The following AGBL1 variants were observed in gnomAD, a reference collection of about 807,000 sequenced individuals.
AGBL1 encodes the protein AGBL carboxypeptidase 1.
Under a neutral mutation model 118.9 loss-of-function variants are expected in AGBL1, and 130 were observed. That is an observed-to-expected ratio of 1.09 (90% CI 0.95 to 1.26). The LOEUF (loss-of-function observed/expected upper bound fraction) is 1.26. Ranked by LOEUF, AGBL1 falls within the 50% of genes most tolerant of loss-of-function variation. The pLI is 0.00. For synonymous variants in AGBL1, 555 were observed against 478.9 expected (o/e 1.16, Z -2.08); for missense variants, 1,584 against 1,298.1 (o/e 1.22, Z -3.38).
chr15:86,582,575 G>A (rs1026070558), intron 21 of AGBL1, among the ~76,000 whole-genome samples: 13 of 151,894 alleles, frequency 8.6e-5, no homozygotes, highest in Non-Finnish European at 1.3e-4. Context: ...TGTTTATTGA[G>A]GCACTATTCA....
intron 18 of AGBL1, among the ~76,000 whole-genome samples, chr15:86,460,319 A>C (rs961543647): frequency 1.7e-4 from 5 of 29,254 alleles, no homozygotes; most frequent in African/African-American, 2.9e-4. Context: ...CTATCTCTAC[A>C]AAAAAAAAAA....
chr15:86,655,277 T>C (rs2085444413), intron 21 of AGBL1, among the ~76,000 whole-genome samples: 1 of 152,196 alleles, frequency 6.6e-6, no homozygotes, highest in Non-Finnish European at 1.5e-5. Flanking sequence ...TGCCTTCCCA[T>C]TGTTCCCCAA....
At chr15:86,443,253 T>C (rs2082085448) in intron 18 of AGBL1, among the ~76,000 whole-genome samples, 1 of 152,224 alleles carries the variant, frequency 6.6e-6, no homozygotes. Flanking sequence ...GCTCTTAGTT[T>C]CCCTGTGTGA....
intron 1 of AGBL1, chr15:86,138,403 T>C (rs956194132): frequency 6.6e-6 from 1 of 152,284 alleles, no homozygotes; most frequent in African/African-American, 2.4e-5. Context: ...TCCAGGATTC[T>C]CTCTACTTCT....
At chr15:86,510,340 A>T (rs2083039051) in intron 18 of AGBL1, among the ~76,000 whole-genome samples, 1 of 92,808 alleles carries the variant, frequency 1.1e-5, no homozygotes, top group South Asian at 4.2e-4. Flanking sequence ...TCATCAGGGG[A>T]ATTCCTTCAT....
At chr15:86,112,877 T>C (rs1897483690) in intron 1 of AGBL1, among the ~76,000 whole-genome samples, 2 of 152,248 alleles carry the variant, frequency 1.3e-5, no homozygotes, top group South Asian at 4.1e-4. Context: ...GCCTATTAGC[T>C]ATTTGAATTT....
At chr15:86,490,697 C>A (rs1007504956) in intron 18 of AGBL1, among the ~76,000 whole-genome samples, 3 of 152,048 alleles carry the variant, frequency 2.0e-5, no homozygotes, top group Non-Finnish European at 4.4e-5. Flanking sequence ...AAACCGAATG[C>A]AAACTGGTTA....
At chr15:86,249,275 C>A (rs2078769986) in intron 7 of AGBL1, among the ~76,000 whole-genome samples, 1 of 152,142 alleles carries the variant, frequency 6.6e-6, no homozygotes, top group Non-Finnish European at 1.5e-5. Flanking sequence ...AGCCTTCTTG[C>A]TCTTCTCTGG....
At chr15:86,553,469 G>A (rs1463253384) in intron 20 of AGBL1, among the ~76,000 whole-genome samples, 1 of 152,180 alleles carries the variant, frequency 6.6e-6, no homozygotes, top group African/African-American at 2.4e-5. Context: ...TGGATTTTCA[G>A]GAGTTTCATA....
At chr15:86,696,382 CTGATA>C (rs2086260147) in intron 22 of AGBL1, among the ~76,000 whole-genome samples, 2 of 151,956 alleles carry the variant, frequency 1.3e-5, no homozygotes, top group South Asian at 4.1e-4. Flanking sequence ...TTTGTTTCAT[CTGATA>C]TAAGAATAGC....
chr15:86,882,120 C>A (rs563658766), intron 22 of AGBL1, among the ~76,000 whole-genome samples: 1 of 152,140 alleles, frequency 6.6e-6, no homozygotes, highest in South Asian at 2.1e-4. Context: ...TGCAAAAATT[C>A]GCGGTCTAAC....
At chr15:86,903,333 C>A (rs1033077108) in intron 22 of AGBL1, among the ~76,000 whole-genome samples, 2 of 151,972 alleles carry the variant, frequency 1.3e-5, no homozygotes, top group South Asian at 4.1e-4. Flanking sequence ...GATTTCTCAA[C>A]TCTCCAGTTT....
chr15:86,391,231 A>C (rs2081279422), intron 17 of AGBL1, among the ~76,000 whole-genome samples: 1 of 152,184 alleles, frequency 6.6e-6, no homozygotes, highest in Non-Finnish European at 1.5e-5. Flanking sequence ...TCACAATAAA[A>C]CTAATAAAAA....
intron 22 of AGBL1, among the ~76,000 whole-genome samples, chr15:86,722,896 TG>T (rs2086750603): frequency 6.6e-6 from 1 of 152,028 alleles, no homozygotes. Flanking sequence ...AAAAGACACA[TG>T]AAAAAATGCT....
intron 22 of AGBL1, among the ~76,000 whole-genome samples, chr15:86,694,759 G>A (rs1447017857): frequency 6.6e-6 from 1 of 151,882 alleles, no homozygotes; most frequent in Admixed American, 6.6e-5. Context: ...TTACATTAAG[G>A]TATGTCCCTT....
intron 17 of AGBL1, among the ~76,000 whole-genome samples, chr15:86,312,838 T>C (rs183782492): frequency 3.3e-5 from 5 of 152,294 alleles, no homozygotes; most frequent in Admixed American, 3.3e-4. Flanking sequence ...AACAGAGCTG[T>C]CACTGTCTCC....
At chr15:86,686,846 A>G (rs2086066824) in intron 22 of AGBL1, among the ~76,000 whole-genome samples, 1 of 152,184 alleles carries the variant, frequency 6.6e-6, no homozygotes, top group African/African-American at 2.4e-5. Flanking sequence ...TGAGGCACAG[A>G]GAGCTTAAAT....
At chr15:86,149,577 A>G (rs1453041104) in intron 3 of AGBL1, among the ~76,000 whole-genome samples, 1 of 152,166 alleles carries the variant, frequency 6.6e-6, no homozygotes, top group Non-Finnish European at 1.5e-5. Context: ...AGAAGAGCTA[A>G]CTCTCCTAAA....
chr15:86,670,072 AT>A (rs1483673932), intron 21 of AGBL1, among the ~76,000 whole-genome samples: 2 of 151,966 alleles, frequency 1.3e-5, no homozygotes, highest in African/African-American at 4.8e-5. Context: ...TTAGACACTT[AT>A]GGTTTTATTT....
Sources: gnomAD v4.1 joint callset for allele counts (sites outside exome capture counted in the v4.1 genomes callset) on GRCh38, gnomAD v4.1.1 for gene constraint, MANE v1.5 for transcripts, NCBI Gene and HGNC (gene_info 2026-07-23, HGNC 2026-07-21) for gene names.